Variants in GPHN observed in about 807,000 individuals in gnomAD.
The protein encoded by GPHN is gephyrin.
A neutral mutation model predicts 95.5 loss-of-function variants in GPHN; 17 were observed. That is an observed-to-expected ratio of 0.18 (90% CI 0.12 to 0.27). The LOEUF is 0.27. Among genes scored for constraint, GPHN ranks in the 10% least tolerant of loss-of-function variants. The pLI, the probability that GPHN is intolerant of heterozygous loss-of-function variation, is 1.00. For synonymous variants in GPHN, 320 were observed against 322.5 expected (o/e 0.99, Z 0.08); for missense variants, 660 against 978.1 (o/e 0.67, Z 4.34).
the GPHN span, among the ~76,000 whole-genome samples, chr14:67,661,883 C>T: frequency 3.5e-4 from 53 of 152,200 alleles, no homozygotes; most frequent in Admixed American, 2.9e-3. Context: ...AGGCCAGGCA[C>T]GGTGGCTCAT....
At chr14:67,022,100 T>G (rs1168243562) in intron 9 of GPHN, among the ~76,000 whole-genome samples, 1 of 152,106 alleles carries the variant, frequency 6.6e-6, no homozygotes, top group Admixed American at 6.6e-5. Context: ...AGTGTGTGTT[T>G]CTTTTCTTTA....
the GPHN span, among the ~76,000 whole-genome samples, chr14:67,494,731 G>C: frequency 6.6e-6 from 1 of 152,306 alleles, no homozygotes; most frequent in African/African-American, 2.4e-5. Context: ...GTGACCTGAA[G>C]ACCCCAAGAT....
intron 8 of GPHN, among the ~76,000 whole-genome samples, chr14:66,960,951 G>T (rs1000972376): frequency 3.3e-5 from 5 of 151,974 alleles, no homozygotes; most frequent in African/African-American, 1.2e-4. Context: ...GATGACAGTG[G>T]CTAATACATT....
chr14:66,841,935 C>T (rs1388970599), intron 4 of GPHN, among the ~76,000 whole-genome samples: 2 of 151,988 alleles, frequency 1.3e-5, no homozygotes, highest in African/African-American at 4.8e-5. Context: ...CGCCTGTAAT[C>T]CCAGCTACTC....
At chr14:66,842,821 CT>C (rs1036716807) in intron 4 of GPHN, 2 of 798,606 alleles carry the variant, frequency 2.5e-6, no homozygotes, top group African/African-American at 3.5e-5. Context: ...TTTTTCACAT[CT>C]GTTTAATTTC....
At chr14:67,589,715 CA>C in the GPHN span, 1 of 1,003,382 alleles carries the variant, frequency 1.0e-6, no homozygotes, top group Non-Finnish European at 1.2e-6. Context: ...ATAGCTTTCT[CA>C]AGACATCTGA....
rs555655130 is a variant in GPHN at position 66,999,954 on chromosome 14, T to C, written c.964-23679T>C. Among the ~76,000 whole-genome samples the C allele has an allele frequency of 5.5e-4, 84 of 151,970 alleles. 1 individual carries two copies. Among genetic ancestry groups the C allele is most frequent in the Admixed American group, 3.2e-3 (49 of 15,242 alleles). ...TTTTACTGGTCCAAATTGAACCCTT[T>C]ACAGCCTTATCTTTAATGTCTTAGA... On this transcript the variant is annotated intron_variant, in intron 9 of 22. Coordinates refer to ENST00000478722, the MANE Select transcript of GPHN (RefSeq NM_020806.5).
intron 1 of GPHN, among the ~76,000 whole-genome samples, chr14:66,669,929 G>A (rs925545453): frequency 3.9e-5 from 6 of 152,148 alleles, no homozygotes; most frequent in African/African-American, 1.4e-4. Context: ...CATCTCTGCT[G>A]CCTTGGTCTT....
chr14:67,420,606 C>T, the GPHN span, among the ~76,000 whole-genome samples: 1 of 152,176 alleles, frequency 6.6e-6, no homozygotes, highest in Non-Finnish European at 1.5e-5. Context: ...GTCAGAAGAG[C>T]CAGCTAATTG....
the GPHN span, among the ~76,000 whole-genome samples, chr14:67,215,672 A>G: frequency 6.6e-6 from 1 of 152,176 alleles, no homozygotes; most frequent in East Asian, 1.9e-4. Flanking sequence ...ACAATAAGTG[A>G]GTATGACTTT....
the GPHN span, among the ~76,000 whole-genome samples, chr14:67,366,918 T>G: frequency 6.8e-6 from 1 of 147,468 alleles, no homozygotes; most frequent in African/African-American, 2.6e-5. Context: ...CAGCTAAGGT[T>G]CTAGCAGAAA....
Position 66,972,663 on chromosome 14 carries a change from AAATTT to A in GPHN, c.963+7346_963+7350del, listed in dbSNP as rs1314106568. 4.0e-5 allele frequency among the ~76,000 whole-genome samples: 6 copies of A among 151,828 alleles called. 2 individuals are homozygous for A. The highest frequency in any genetic ancestry group is 1.2e-4 in the African/African-American group (5 of 41,516). ...AAGTTTTAATTAATTTTAATTAATT[AAATTT>A]AATTTAACTAATATTAAATAGTAAA... On this transcript the variant is annotated intron_variant, in intron 9 of 22. Transcript: ENST00000478722.
At chr14:67,511,482 C>T in the GPHN span, among the ~76,000 whole-genome samples, 1 of 152,114 alleles carries the variant, frequency 6.6e-6, no homozygotes, top group Non-Finnish European at 1.5e-5. Flanking sequence ...TCTATAATAC[C>T]AGCCACACTG....
At chr14:67,476,414 C>G in the GPHN span, among the ~76,000 whole-genome samples, 885 of 152,126 alleles carry the variant, frequency 5.8e-3, 9 homozygotes, top group African/African-American at 0.02. Context: ...TGGTGAAACC[C>G]TGTCTCTACT....
chr14:67,324,176 T>C, the GPHN span, among the ~76,000 whole-genome samples: 1 of 152,272 alleles, frequency 6.6e-6, no homozygotes, highest in Non-Finnish European at 1.5e-5. Context: ...CTCTTCTTTT[T>C]ATCCCACTGA....
chr14:67,096,575 T>C (rs1009345415), intron 12 of GPHN, among the ~76,000 whole-genome samples: 1 of 151,968 alleles, frequency 6.6e-6, no homozygotes, highest in African/African-American at 2.4e-5. Context: ...CTAGACAGAA[T>C]AATGACATAA....
chr14:67,106,445 T>C (rs1189146832), intron 13 of GPHN, among the ~76,000 whole-genome samples: 2 of 152,198 alleles, frequency 1.3e-5, no homozygotes, highest in Non-Finnish European at 2.9e-5. Flanking sequence ...ATATTTGTTC[T>C]TGTATGGTGT....
At chr14:66,764,783 GATA>G (rs1348564856) in intron 2 of GPHN, among the ~76,000 whole-genome samples, 2 of 151,606 alleles carry the variant, frequency 1.3e-5, no homozygotes, top group African/African-American at 2.4e-5. Context: ...AAAATATAAA[GATA>G]ATATAATTAC....
At chr14:66,614,488 T>C (rs1204784175) in intron 1 of GPHN, among the ~76,000 whole-genome samples, 2 of 152,034 alleles carry the variant, frequency 1.3e-5, no homozygotes, top group Non-Finnish European at 2.9e-5. Flanking sequence ...TCACTTATTG[T>C]AATAGATTAT....
Sources: gnomAD v4.1 joint callset for allele counts (sites outside exome capture counted in the v4.1 genomes callset) on GRCh38, gnomAD v4.1.1 for gene constraint, MANE v1.5 for transcripts, NCBI Gene and HGNC (gene_info 2026-07-23, HGNC 2026-07-21) for gene names.